The following WHRN variants were observed in gnomAD, a reference collection of about 807,000 sequenced individuals.
The protein encoded by WHRN is CASK-interacting protein CIP98.
WHRN carries 41 observed loss-of-function variants against 68.3 expected under a neutral mutation model. The ratio of observed to expected loss-of-function variants is 0.60; its 90% CI spans 0.47 to 0.78. WHRN has a LOEUF of 0.78. WHRN is among the 30% of genes least tolerant of loss of function. The pLI is 0.00. For synonymous variants in WHRN, 560 were observed against 561.3 expected, an observed-to-expected ratio of 1.00 and a Z score of 0.03; for missense variants, 1,243 against 1,244.7, an observed-to-expected ratio of 1.00 and a Z score of 0.02.
At chr9:114,430,485 C>G (rs577356356) in intron 3 of WHRN, among the ~76,000 whole-genome samples, 19 of 152,252 alleles carry the variant, frequency 1.2e-4, no homozygotes, top group African/African-American at 1.9e-4. Flanking sequence ...ACCAGTGGCT[C>G]TTATGGGGGC....
Position 114,420,836 on chromosome 9 carries a change from G to A in WHRN, c.1626+2478C>T, listed in dbSNP as rs10817608. Among the ~76,000 whole-genome samples, 545 of 152,152 alleles carry A rather than the reference G, an allele frequency of 3.6e-3. 9 individuals are homozygous for A. Among genetic ancestry groups the A allele is most frequent in the East Asian group, 0.036 (184 of 5,160 alleles). On this transcript the variant is annotated intron_variant, in intron 7 of 11. Transcript: ENST00000362057. ...CAGGTTACTCACCCTGGGCCCACAG[G>A]CATCCTCTCATTTAATCCTCCCAAC...
chr9:114,501,461 C>T (rs867144986), intron 1 of WHRN, among the ~76,000 whole-genome samples: 5 of 151,792 alleles, frequency 3.3e-5, no homozygotes, highest in African/African-American at 4.8e-5. Context: ...AAACTTTGCT[C>T]GACCCACTCT....
At chr9:114,433,953 G>C (rs533892807) in intron 3 of WHRN, among the ~76,000 whole-genome samples, 1 of 152,170 alleles carries the variant, frequency 6.6e-6, no homozygotes, top group South Asian at 2.1e-4. Flanking sequence ...TCACCACACA[G>C]GAAGCCTCAA....
At chr9:114,424,028 A>G (rs1045638120) in intron 6 of WHRN, among the ~76,000 whole-genome samples, 2 of 152,168 alleles carry the variant, frequency 1.3e-5, no homozygotes, top group African/African-American at 4.8e-5. Context: ...CCATCCCCAG[A>G]TATGAGGCGT....
chr9:114,464,959 G>T (rs1344604928), intron 3 of WHRN, among the ~76,000 whole-genome samples: 1 of 152,046 alleles, frequency 6.6e-6, no homozygotes, highest in Non-Finnish European at 1.5e-5. Context: ...AGTTTTAGAG[G>T]CTGGGAAATC....
intron 3 of WHRN, among the ~76,000 whole-genome samples, chr9:114,434,347 T>A (rs1837666656): frequency 6.6e-6 from 1 of 152,198 alleles, no homozygotes; most frequent in African/African-American, 2.4e-5. Context: ...GACCCAGACC[T>A]GCAATAATGG....
intron 3 of WHRN, among the ~76,000 whole-genome samples, chr9:114,453,685 T>C (rs1437614486): frequency 6.6e-6 from 1 of 151,914 alleles, no homozygotes; most frequent in African/African-American, 2.4e-5. Context: ...CTACTAACAC[T>C]CAAGAAAGAA....
Position 114,504,450 on chromosome 9 carries a change from C to G in WHRN, c.352G>C (p.Ala118Pro), listed in dbSNP as rs1328723399. ...QYTAEGLYLP[A>P]TTPYRQPAWG... is the part of the protein sequence containing the mutation. ...GCGGGCTGCCTGTAGGGGGTGGTGG[C>G]GGGCAGGTAGAGGCCCTCGGCCGTG... Residue 118 changes from alanine (A) to proline (P), a missense_variant, in exon 1 of 12, where the codon GCC (alanine) becomes CCC (proline). Transcript: ENST00000362057. The G allele has an allele frequency of 1.2e-6, 2 of 1,607,300 alleles. No homozygotes were observed. Among genetic ancestry groups the G allele is most frequent in the African/African-American group, 2.7e-5 (2 of 75,036 alleles).
In WHRN at chr9:114,406,479, C is replaced by T; in HGVS notation, c.2112G>A (p.Leu704=). ...CTGGGTGGCCAGAGGGTGATGGGGGCAGAAGGCAGCCCCCAGCCACTGTGG... is the reference window on the plus strand; with the variant it reads ...CTGGGTGGCCAGAGGGTGATGGGGGTAGAAGGCAGCCCCCAGCCACTGTGG... ...AEATVAGGCL[L]PPSPSGHPDQ... The change falls in exon 9 of 12, where the codon CTG becomes CTA. Residue 704 remains leucine (L), a synonymous_variant. Transcript: ENST00000362057. 1 of 1,614,096 alleles carries T rather than the reference C, an allele frequency of 6.2e-7. No individual in the cohort carries two copies. Among genetic ancestry groups the T allele is most frequent in the Non-Finnish European group, 8.5e-7 (1 of 1,180,040 alleles).
chr9:114,433,968 G>C (rs1054342688), intron 3 of WHRN, among the ~76,000 whole-genome samples: 7 of 152,176 alleles, frequency 4.6e-5, no homozygotes, highest in Non-Finnish European at 8.8e-5. Context: ...CCTCAATGAA[G>C]GCCTGCTCTA....
Position 114,504,776 on chromosome 9 carries a change from G to T in WHRN, c.26C>A (p.Ser9Ter), listed in dbSNP as rs776268964. 2 of 1,480,156 alleles carry T rather than the reference G, an allele frequency of 1.4e-6. No homozygotes were observed. The highest frequency in any genetic ancestry group is 1.3e-5 in the South Asian group (1 of 75,386). 91.7% of individuals were successfully genotyped at this position (1,480,156 alleles called of 1,614,324 possible). ...CGAGCCGGTGGAGGACGAGCTCACC[G>T]ACAGGCCGTCCAGCGGCGCGTTCAT... The part of the protein sequence containing the change: MNAPLDGL[S>*]VSSSSTGSLG... Residue 9 changes from serine (S) to a stop codon, truncating the protein, a stop_gained, in exon 1 of 12, where the codon TCG becomes TAG. Coordinates refer to ENST00000362057, the MANE Select transcript of WHRN (RefSeq NM_015404.4). LOFTEE classifies it high-confidence loss of function.
intron 3 of WHRN, among the ~76,000 whole-genome samples, chr9:114,428,053 C>A (rs1246482868): frequency 2.6e-5 from 4 of 152,206 alleles, no homozygotes; most frequent in Non-Finnish European, 5.9e-5. Context: ...TGAGGCCAGG[C>A]ATCGTGGCTC....
intron 8 of WHRN, 103 bp from the exon 9 acceptor site, chr9:114,406,995 C>T (rs974124376): frequency 2.2e-5 from 31 of 1,396,200 alleles, no homozygotes; most frequent in Non-Finnish European, 2.8e-5. Flanking sequence ...GGAATTCTGT[C>T]CCCACTCTAA....
chr9:114,451,092 T>C (rs925664341), intron 3 of WHRN, among the ~76,000 whole-genome samples: 4 of 152,206 alleles, frequency 2.6e-5, no homozygotes, highest in African/African-American at 9.7e-5. Flanking sequence ...TGAAATGGCA[T>C]TGGCATGCAA....
chr9:114,503,337 G>T, intron 1 of WHRN: 1 of 347,802 alleles, frequency 2.9e-6, no homozygotes, highest in Non-Finnish European at 4.1e-6. Flanking sequence ...AGGAGGTCGG[G>T]GGAGGGGGGA....
intron 3 of WHRN, among the ~76,000 whole-genome samples, chr9:114,437,312 T>C (rs573958000): frequency 3.2e-4 from 48 of 152,096 alleles, no homozygotes; most frequent in African/African-American, 1.1e-3. Flanking sequence ...AGAGAAAAAA[T>C]AGATAAGTTC....
At position 114,404,039 on chromosome 9, in the gene WHRN, T is replaced by G; in HGVS notation, c.2275A>C (p.Thr759Pro). Residue 759 changes from threonine (T) to proline (P), a missense_variant, in exon 10 of 12, where the codon ACT becomes CCT. By Grantham distance (38) the Thr-to-Pro change is conservative. Coordinates refer to ENST00000362057, the MANE Select transcript of WHRN (RefSeq NM_015404.4). ...TLSQLSDSGQ[T>P]LSEDSGVDAG... ...TCCACACCACTGTCCTCGCTTAGAG[T>G]CTGCCCGCTGTCCGAGAGCTGGGAG... 6 of 1,613,300 alleles carry G rather than the reference T, an allele frequency of 3.7e-6. No individual in the cohort carries two copies. Among genetic ancestry groups the G allele is most frequent in the Non-Finnish European group, 5.1e-6 (6 of 1,179,992 alleles).
intron 3 of WHRN, among the ~76,000 whole-genome samples, chr9:114,454,306 A>G (rs7042706): frequency 0.75 from 114,028 of 152,060 alleles, 42,913 homozygotes; most frequent in East Asian, 0.96. Flanking sequence ...CAGATCCAAA[A>G]AGAAAAAATA....
chr9:114,451,415 G>A (rs1412887000), intron 3 of WHRN, among the ~76,000 whole-genome samples: 3 of 152,202 alleles, frequency 2.0e-5, no homozygotes, highest in Non-Finnish European at 2.9e-5. Flanking sequence ...TCCTGGGGCT[G>A]CCAAGAGGAC....
Sources: allele counts gnomAD v4.1 joint callset (sites outside exome capture counted in the v4.1 genomes callset), GRCh38; gene constraint gnomAD v4.1.1; transcripts MANE v1.5; gene names NCBI Gene and HGNC (gene_info 2026-07-23, HGNC 2026-07-21).